The following THSD7B variants were observed in gnomAD, a reference collection of about 807,000 sequenced individuals.
THSD7B encodes thrombospondin type 1 domain containing 7B.
THSD7B carries 138 observed loss-of-function variants against 213.6 expected under a neutral mutation model. The ratio of observed to expected loss-of-function variants is 0.65; its 90% CI spans 0.56 to 0.74. The LOEUF (loss-of-function observed/expected upper bound fraction) is 0.74. Among genes scored for constraint, THSD7B ranks in the 30% least tolerant of loss-of-function variants. The probability of loss-of-function intolerance (pLI) is 0.00; values close to 1 mark genes in which losing one functional copy is unlikely to be tolerated. For synonymous variants in THSD7B, 742 were observed against 687.0 expected (o/e 1.08, Z -1.25); for missense variants, 1,931 against 1,991.5 (o/e 0.97, Z 0.58).
chr2:136,977,792 C>A (rs1328034479), intron 2 of THSD7B, among the ~76,000 whole-genome samples: 1 of 93,166 alleles, frequency 1.1e-5, no homozygotes, highest in African/African-American at 4.5e-5. Flanking sequence ...TTCTTTTTTT[C>A]TTTTCTTTGT....
chr2:137,615,354 A>G (rs1206331130), intron 17 of THSD7B, among the ~76,000 whole-genome samples: 1 of 152,244 alleles, frequency 6.6e-6, no homozygotes, highest in Non-Finnish European at 1.5e-5. Flanking sequence ...AAAGACTGAC[A>G]GGAGTGAGGC....
At chr2:137,530,789 A>G (rs1680382403) in intron 15 of THSD7B, among the ~76,000 whole-genome samples, 1 of 152,026 alleles carries the variant, frequency 6.6e-6, no homozygotes, top group African/African-American at 2.4e-5. Context: ...GCATATGCAA[A>G]CAAGTGTAGT....
chr2:137,267,508 TC>T (rs1682620215), intron 10 of THSD7B, among the ~76,000 whole-genome samples: 1 of 84,016 alleles, frequency 1.2e-5, no homozygotes, highest in Non-Finnish European at 2.5e-5. Context: ...CCCCCCCAAA[TC>T]CCCCACCCCC....
At chr2:136,980,413 A>T (rs544889773) in intron 2 of THSD7B, among the ~76,000 whole-genome samples, 112 of 152,224 alleles carry the variant, frequency 7.4e-4, no homozygotes, top group African/African-American at 2.6e-3. Context: ...TCTCAGGGAG[A>T]TAAGAGTTCT....
chr2:137,516,187 A>G (rs148795825), intron 15 of THSD7B, among the ~76,000 whole-genome samples: 155 of 152,324 alleles, frequency 1.0e-3, no homozygotes, highest in South Asian at 9.7e-3. Context: ...TGGGCTAACT[A>G]ATCACGGTGT....
At chr2:137,065,900 C>CA (rs1212976196) in intron 3 of THSD7B, among the ~76,000 whole-genome samples, 2 of 151,908 alleles carry the variant, frequency 1.3e-5, no homozygotes, top group Non-Finnish European at 2.9e-5. Context: ...CTATAATTAC[C>CA]AAATACATTG....
chr2:136,986,708 T>G (rs1395745423), intron 2 of THSD7B, among the ~76,000 whole-genome samples: 1 of 152,204 alleles, frequency 6.6e-6, no homozygotes, highest in African/African-American at 2.4e-5. Flanking sequence ...GATTTTTTTT[T>G]GAAAGTCAGA....
intron 15 of THSD7B, among the ~76,000 whole-genome samples, chr2:137,524,990 C>A (rs187337557): frequency 6.6e-6 from 1 of 152,152 alleles, no homozygotes; most frequent in East Asian, 1.9e-4. Context: ...AAGGAGAGGC[C>A]GTGCTTCATG....
chr2:137,029,203 C>T (rs539608951), intron 2 of THSD7B, among the ~76,000 whole-genome samples: 11 of 151,762 alleles, frequency 7.2e-5, no homozygotes, highest in Non-Finnish European at 1.3e-4. Context: ...CTCAGCCTCC[C>T]GAGTAGCTGG....
At chr2:137,443,565 T>C (rs917885104) in intron 14 of THSD7B, among the ~76,000 whole-genome samples, 55 of 152,250 alleles carry the variant, frequency 3.6e-4, no homozygotes, top group African/African-American at 1.3e-3. Flanking sequence ...GTTGATTCTC[T>C]ATCTTGTCAA....
intron 2 of THSD7B, among the ~76,000 whole-genome samples, chr2:136,980,925 G>A (rs890977377): frequency 2.8e-4 from 42 of 152,046 alleles, no homozygotes; most frequent in Middle Eastern, 3.4e-3. Context: ...GCTTTTCCTC[G>A]CTCTCTGGGG....
At chr2:136,909,336 G>A (rs1168246159) in intron 2 of THSD7B, among the ~76,000 whole-genome samples, 5 of 152,202 alleles carry the variant, frequency 3.3e-5, no homozygotes, top group Non-Finnish European at 5.9e-5. Context: ...GTGGAGGGTG[G>A]GAAATGAGAC....
chr2:137,534,707 T>C (rs1046217047), intron 15 of THSD7B, among the ~76,000 whole-genome samples: 3 of 151,826 alleles, frequency 2.0e-5, no homozygotes, highest in African/African-American at 7.2e-5. Flanking sequence ...GACACATAAA[T>C]CTATGAGTAA....
chr2:137,025,112 A>ACCCC (rs1263773523), intron 2 of THSD7B, among the ~76,000 whole-genome samples: 6 of 152,138 alleles, frequency 3.9e-5, no homozygotes, highest in African/African-American at 1.2e-4. Flanking sequence ...TCCCCGTTAG[A>ACCCC]GTTAAAGTCT....
chr2:136,984,905 A>G (rs571664216), intron 2 of THSD7B, among the ~76,000 whole-genome samples: 1 of 152,298 alleles, frequency 6.6e-6, no homozygotes, highest in South Asian at 2.1e-4. Flanking sequence ...AAGATCGCCC[A>G]TGTATACCTT....
chr2:136,777,201 G>C (rs1240973409), intron 1 of THSD7B, among the ~76,000 whole-genome samples: 5 of 152,086 alleles, frequency 3.3e-5, no homozygotes, highest in African/African-American at 9.7e-5. Context: ...AAACGAATGG[G>C]AAAGAAATGA....
chr2:137,613,597 C>A (rs1259549520), intron 17 of THSD7B, among the ~76,000 whole-genome samples: 3 of 152,102 alleles, frequency 2.0e-5, no homozygotes, highest in Admixed American at 6.5e-5. Flanking sequence ...AGCTATATAA[C>A]CTTGATTTTT....
intron 7 of THSD7B, among the ~76,000 whole-genome samples, chr2:137,187,820 A>AT (rs1227330543): frequency 2.6e-5 from 4 of 151,906 alleles, no homozygotes; most frequent in Non-Finnish European, 5.9e-5. Context: ...TGTATACTTC[A>AT]TTTTTTCTCA....
At chr2:137,316,757 CAAAAA>C (rs869268206) in intron 12 of THSD7B, among the ~76,000 whole-genome samples, 1 of 21,812 alleles carries the variant, frequency 4.6e-5, no homozygotes, top group African/African-American at 1.7e-4. Flanking sequence ...GACTCTGTCT[CAAAAA>C]AAAAAAAGAA....
Sources: allele counts gnomAD v4.1 joint callset (sites outside exome capture counted in the v4.1 genomes callset), GRCh38; gene constraint gnomAD v4.1.1; transcripts MANE v1.5; gene names NCBI Gene and HGNC (gene_info 2026-07-23, HGNC 2026-07-21).